The following EPYC variants were observed in gnomAD, a reference collection of about 807,000 sequenced individuals.
The protein encoded by EPYC is epiphycan.
EPYC carries 28 observed loss-of-function variants against 30.1 expected under a neutral mutation model. The observed-to-expected ratio is 0.93, with a 90% CI of 0.69 to 1.28. EPYC has a LOEUF of 1.28. Ranked by LOEUF, EPYC falls within the 50% of genes most tolerant of loss-of-function variation. EPYC has a pLI of 0.00. For missense variants in EPYC, 382 were observed against 383.5 expected (o/e 1.00, Z 0.03); for synonymous variants, 144 against 141.4 (o/e 1.02, Z -0.13).
chr12:90,978,980 C>T (rs377490769), intron 2 of EPYC, among the ~76,000 whole-genome samples: 1 of 152,032 alleles, frequency 6.6e-6, no homozygotes, highest in African/African-American at 2.4e-5. Flanking sequence ...CACTAGGAGG[C>T]AGTTATAAAA....
chr12:90,967,105 A>G (rs7306526), intron 6 of EPYC, among the ~76,000 whole-genome samples: 10,516 of 151,952 alleles, frequency 0.069, 607 homozygotes, highest in South Asian at 0.2. Context: ...TATATATTTT[A>G]CTTATTCTGC....
chr12:90,988,785 G>T (rs1047427729), intron 2 of EPYC, among the ~76,000 whole-genome samples: 7 of 152,072 alleles, frequency 4.6e-5, no homozygotes, highest in Admixed American at 4.6e-4. Context: ...AGGTAAACAA[G>T]TTTATGACTT....
At chr12:90,988,991 A>C (rs1361235713) in intron 2 of EPYC, among the ~76,000 whole-genome samples, 2 of 152,136 alleles carry the variant, frequency 1.3e-5, no homozygotes, top group Admixed American at 6.6e-5. Flanking sequence ...AGCTGAATGC[A>C]TGGAATTGTC....
At chr12:90,978,528 G>A (rs1389157428) in intron 2 of EPYC, among the ~76,000 whole-genome samples, 1 of 148,650 alleles carries the variant, frequency 6.7e-6, no homozygotes, top group African/African-American at 2.5e-5. Flanking sequence ...TATCGTATAT[G>A]TTTGTTCATT....
chr12:90,976,578 T>C (rs938984047), intron 3 of EPYC, among the ~76,000 whole-genome samples: 1 of 152,168 alleles, frequency 6.6e-6, no homozygotes, highest in African/African-American at 2.4e-5. Flanking sequence ...CAGTTTTGAT[T>C]CCTGTACTTT....
intron 2 of EPYC, 127 bp from the exon 3 acceptor site, chr12:90,978,389 G>A: frequency 1.2e-6 from 1 of 842,078 alleles, no homozygotes; most frequent in Non-Finnish European, 1.7e-6. Flanking sequence ...AAGTTCAATA[G>A]TTTGACCATC....
At chr12:90,969,430 TATTC>T (rs1209066423) in intron 6 of EPYC, among the ~76,000 whole-genome samples, 2 of 152,040 alleles carry the variant, frequency 1.3e-5, no homozygotes, top group African/African-American at 4.8e-5. Context: ...AATAAAATAT[TATTC>T]ATTCATTAAA....
chr12:90,988,428 A>G (rs1160440900), intron 2 of EPYC, among the ~76,000 whole-genome samples: 1 of 152,110 alleles, frequency 6.6e-6, no homozygotes, highest in Non-Finnish European at 1.5e-5. Flanking sequence ...TGGAGGAGGG[A>G]AATATTAAAT....
chr12:90,967,595 C>A (rs559290079), intron 6 of EPYC, among the ~76,000 whole-genome samples: 1 of 152,142 alleles, frequency 6.6e-6, no homozygotes. Flanking sequence ...AATGTTCTGT[C>A]GATGACTGTT....
chr12:91,003,023 G>C lies in EPYC; in HGVS notation c.-13-445C>G, dbSNP rs192315157. ...TAGGTGAAGAAACTGAGGCAGAGTT[G>C]ACTGGTAATGCAACTAGGATATCCA... On this transcript the variant is annotated intron_variant, in intron 1 of 6. Coordinates refer to ENST00000261172, the MANE Select transcript of EPYC (RefSeq NM_004950.5). 2.4e-3 allele frequency among the ~76,000 whole-genome samples: 367 copies of C among 152,192 alleles called. 2 individuals carry two copies. Among genetic ancestry groups the C allele is most frequent in the African/African-American group, 8.6e-3 (356 of 41,550 alleles).
chr12:90,970,056 G>T lies in EPYC; in HGVS notation c.786C>A (p.Ala262=), dbSNP rs373217583. 1.2e-6 allele frequency: 2 copies of T among 1,613,496 alleles called. No homozygotes were observed. The highest frequency in any genetic ancestry group is 2.2e-5 in the South Asian group (2 of 91,076). Residue 262 remains alanine (A), a synonymous_variant, in exon 6 of 7, where the codon GCC becomes GCA. Transcript: ENST00000261172. ...GGTAGACTCCTACCTGGAGGTGAAG[G>T]GCTCGTAGATTTTCTGGGAGTGGCA... ...IPLPLPENLR[A]LHLQNNNILE... is the part of the protein sequence containing the mutation.
rs556652148 is a variant in EPYC, at chr12:91,004,396, T to C, written c.-14+551A>G. Among the ~76,000 whole-genome samples, 118 of 152,230 alleles carry C rather than the reference T, an allele frequency of 7.8e-4. 2 individuals are homozygous for C. The South Asian group carries it at 0.024, about 31-fold the overall frequency. On this transcript the variant is annotated intron_variant, in intron 1 of 6. Transcript: ENST00000261172. Reference sequence around the variant, plus strand: ...TAGTTAAAAAATTTATATTCCTTTCTTCAAGTAATTGTATTAGCATTTAAT... The same window carrying C: ...TAGTTAAAAAATTTATATTCCTTTCCTCAAGTAATTGTATTAGCATTTAAT...
chr12:90,972,779 A>T lies in EPYC; in HGVS notation c.499+43T>A, dbSNP rs1877083681. 6 of 1,498,618 alleles carry T rather than the reference A, an allele frequency of 4.0e-6. 2 individuals carry two copies. In the South Asian group the frequency reaches 8.1e-5, roughly 20 times the overall value. 92.8% of individuals were successfully genotyped at this position (1,498,618 alleles called of 1,614,324 possible). On this transcript the variant is annotated intron_variant, in intron 4 of 6. Coordinates refer to ENST00000261172, the MANE Select transcript of EPYC (RefSeq NM_004950.5). ...ATTTAACAATGTAAAAATTTAAAGG[A>T]AGTGTGTAAAGCGGTGAAGGCCGTT...
At chr12:90,976,799 C>G (rs1034532937) in intron 3 of EPYC, among the ~76,000 whole-genome samples, 1 of 152,072 alleles carries the variant, frequency 6.6e-6, no homozygotes, top group African/African-American at 2.4e-5. Context: ...GGGCGGCTTC[C>G]CTCATACTGT....
intron 3 of EPYC, among the ~76,000 whole-genome samples, chr12:90,974,942 G>A (rs1877147292): frequency 1.3e-5 from 2 of 152,072 alleles, no homozygotes; most frequent in Admixed American, 1.3e-4. Flanking sequence ...TAGTTTACCT[G>A]AGACTTTCAT....
intron 2 of EPYC, among the ~76,000 whole-genome samples, chr12:90,985,372 A>T (rs567481847): frequency 1.3e-5 from 2 of 152,220 alleles, no homozygotes; most frequent in South Asian, 4.1e-4. Flanking sequence ...CCTGAAAGAT[A>T]AGTTTATTAC....
At chr12:91,001,246 T>G (rs2120874950) in intron 2 of EPYC, among the ~76,000 whole-genome samples, 1 of 152,242 alleles carries the variant, frequency 6.6e-6, no homozygotes, top group African/African-American at 2.4e-5. Flanking sequence ...TGAAAAATTT[T>G]AGTATCTTCT....
At chr12:90,984,334 G>A (rs369582991) in intron 2 of EPYC, among the ~76,000 whole-genome samples, 29 of 152,170 alleles carry the variant, frequency 1.9e-4, no homozygotes, top group African/African-American at 6.5e-4. Flanking sequence ...TGGTGGTGGG[G>A]GGAACAAACA....
intron 2 of EPYC, among the ~76,000 whole-genome samples, chr12:90,997,954 T>C (rs1877733542): frequency 6.6e-6 from 1 of 152,098 alleles, no homozygotes; most frequent in Non-Finnish European, 1.5e-5. Flanking sequence ...GGCAGAATAA[T>C]AGTCTTTTAT....
Sources: gnomAD v4.1 joint callset for allele counts (sites outside exome capture counted in the v4.1 genomes callset) on GRCh38, gnomAD v4.1.1 for gene constraint, MANE v1.5 for transcripts, NCBI Gene and HGNC (gene_info 2026-07-23, HGNC 2026-07-21) for gene names.